The following SLC35D1 variants were observed in gnomAD, a reference collection of about 807,000 sequenced individuals.
SLC35D1 encodes the protein nucleotide sugar transporter SLC35D1.
A neutral mutation model predicts 46.7 loss-of-function variants in SLC35D1; 31 were observed. The ratio of observed to expected loss-of-function variants is 0.66; its 90% confidence interval spans 0.50 to 0.90. SLC35D1 has a LOEUF of 0.90. Among genes scored for constraint, SLC35D1 ranks in the 40% least tolerant of loss-of-function variants. SLC35D1 has a pLI of 0.00. For synonymous variants in SLC35D1, 195 were observed against 164.6 expected, an observed-to-expected ratio of 1.18 and a Z score of -1.41; for missense variants, 397 against 426.2, an observed-to-expected ratio of 0.93 and a Z score of 0.60.
downstream of SLC35D1, among the ~76,000 whole-genome samples, chr1:66,995,431 G>T (rs1193869322): frequency 3.4e-5 from 2 of 59,270 alleles, no homozygotes; most frequent in Admixed American, 5.8e-4. Flanking sequence ...GCCCTGCTAC[G>T]CTAAAAAAAA....
intron 8 of SLC35D1, 49 bp downstream of exon 8, chr1:67,042,187 A>G (rs1033077210): frequency 2.1e-6 from 3 of 1,449,738 alleles, no homozygotes; most frequent in Middle Eastern, 1.7e-4. Flanking sequence ...CATAAATAAT[A>G]ATGCAGTTCA....
intron 7 of SLC35D1, 117 bp downstream of exon 7, chr1:67,047,148 G>C: frequency 1.3e-6 from 1 of 752,406 alleles, no homozygotes; most frequent in Non-Finnish European, 2.3e-6. Flanking sequence ...TACCCTCAGA[G>C]AGCCACTATG....
At chr1:67,021,341 A>G (rs1667793328) in intron 9 of SLC35D1, among the ~76,000 whole-genome samples, 194 bp downstream of exon 9, 1 of 152,124 alleles carries the variant, frequency 6.6e-6, no homozygotes, top group Non-Finnish European at 1.5e-5. Context: ...TCTTTTCTTC[A>G]TCCTTCTAAG....
At chr1:67,016,798 T>C (rs1175791871) in intron 10 of SLC35D1, among the ~76,000 whole-genome samples, 1 of 152,172 alleles carries the variant, frequency 6.6e-6, no homozygotes, top group Non-Finnish European at 1.5e-5. Flanking sequence ...ACAGAGACAC[T>C]GGTTATTTTA....
In SLC35D1 at chr1:67,053,777, TC is replaced by T. The variant is rs763117968; in HGVS notation, c.203+33del. 1,857 of 1,515,660 alleles carry T rather than the reference TC, an allele frequency of 1.2e-3. 20 individuals are homozygous for T. The African/African-American group carries it at 0.023, about 19-fold the overall frequency. The allele number at this position is 1,515,660 out of a possible 1,614,324, so 93.9% of individuals were successfully genotyped here. A position where few individuals can be genotyped will look rare whatever the true frequency, so the allele number is the denominator to read the frequency against. On this transcript the variant is annotated intron_variant, in intron 1 of 11. Transcript: ENST00000235345. ...CGCCGCCGCCGCCGCCCGCTCCTCC[TC>T]CGCGGCCTGGGCCGCCGCCGCCTCG...
Position 67,001,622 on chromosome 1 carries a change from C to T in SLC35D1, c.*2718G>A, listed in dbSNP as rs530638545. 1 of 152,462 alleles carries T rather than the reference C, an allele frequency of 6.6e-6. No homozygotes were observed. The highest frequency in any genetic ancestry group is 2.4e-5 in the African/African-American group (1 of 41,578). 9.4% of individuals were successfully genotyped at this position (152,462 alleles called of 1,614,324 possible). A position where few individuals can be genotyped will look rare whatever the true frequency, so the allele number is the denominator to read the frequency against. ...TTCTCCCAGGAGGCAGTTAACAGGA[C>T]AAAGAATTTCTGCCTAGTAAATATC... On this transcript the variant is annotated 3_prime_UTR_variant, in exon 12 of 12. Coordinates refer to ENST00000235345, the MANE Select transcript of SLC35D1 (RefSeq NM_015139.3).
In SLC35D1 at chr1:67,051,513, G is replaced by C. The variant is rs76162599; in HGVS notation, c.392+499C>G. Among the ~76,000 whole-genome samples the C allele has an allele frequency of 6.8e-4, 103 of 152,294 alleles. 2 individuals are homozygous for C. The East Asian group carries it at 0.018, about 26-fold the overall frequency. On this transcript the variant is annotated intron_variant, in intron 4 of 11. Coordinates refer to ENST00000235345, the MANE Select transcript of SLC35D1 (RefSeq NM_015139.3). ...TGAAAATAAGTATGTTGCCTCTACA[G>C]TTACATGCCATGTGTAAGATATTAA...
chr1:67,006,783 G>A (rs1486760641), intron 11 of SLC35D1, among the ~76,000 whole-genome samples: 1 of 152,086 alleles, frequency 6.6e-6, no homozygotes, highest in Non-Finnish European at 1.5e-5. Flanking sequence ...GGGACCAGAA[G>A]GGTTTCCAAT....
At chr1:67,021,419 A>G in intron 9 of SLC35D1, 116 bp downstream of exon 9, 1 of 1,103,346 alleles carries the variant, frequency 9.1e-7, no homozygotes, top group Non-Finnish European at 1.4e-6. Context: ...TGGAGGCTTA[A>G]TTATCCTAGG....
rs1667320644 is a variant in SLC35D1, at chr1:67,000,660, A to G, written c.*3680T>C. ...GCTGAGGGCCTAATATGTACCAGGC[A>G]TTGTGCTAAGTAGTTTCATATCCAT... On this transcript the variant is annotated 3_prime_UTR_variant, in exon 12 of 12. Coordinates refer to ENST00000235345, the MANE Select transcript of SLC35D1 (RefSeq NM_015139.3). 2 of 152,244 alleles carry G rather than the reference A, an allele frequency of 1.3e-5. No individual in the cohort carries two copies. Among genetic ancestry groups the G allele is most frequent in the Admixed American group, 1.3e-4 (2 of 15,284 alleles). 9.4% of individuals were successfully genotyped at this position (152,244 alleles called of 1,614,324 possible).
intron 10 of SLC35D1, among the ~76,000 whole-genome samples, chr1:67,019,278 C>T (rs1290082504): frequency 3.3e-5 from 5 of 152,196 alleles, no homozygotes; most frequent in Non-Finnish European, 7.3e-5. Context: ...GCCCTTGAGG[C>T]ATTCACTTTA....
At chr1:66,973,040 C>A in the SLC35D1 span, 1 of 942,978 alleles carries the variant, frequency 1.1e-6, no homozygotes. Flanking sequence ...AGTTGAACAA[C>A]TCAAATGGTC....
rs367771039 is a variant in SLC35D1 at position 67,015,482 on chromosome 1, T to C, written c.876+4887A>G. ...TCAGCTCACTGCAACCTCTCCCTCC[T>C]GGGTTCAAGCAATTCTTCTGCCTCA... On this transcript the variant is annotated intron_variant, in intron 10 of 11. Transcript: ENST00000235345. Among the ~76,000 whole-genome samples the C allele has an allele frequency of 2.0e-5, 3 of 146,882 alleles. No individual in the cohort carries two copies. The East Asian group carries it at 6.2e-4, about 30-fold the overall frequency.
chr1:67,044,161 C>A (rs952692445), intron 7 of SLC35D1, among the ~76,000 whole-genome samples: 13 of 151,962 alleles, frequency 8.6e-5, no homozygotes, highest in Non-Finnish European at 1.5e-5. Flanking sequence ...CATAGAGTAA[C>A]CCCGTCTCTA....
chr1:66,986,579 T>C, the SLC35D1 span: 1 of 900,428 alleles, frequency 1.1e-6, no homozygotes, highest in South Asian at 1.5e-5. Flanking sequence ...AGTATTACTG[T>C]TAACATATGT....
In SLC35D1 at chr1:67,022,107, G is replaced by A. The variant is rs1038754373; in HGVS notation, c.730-505C>T. 5.9e-5 allele frequency among the ~76,000 whole-genome samples: 9 copies of A among 152,188 alleles called. No homozygotes were observed. In the South Asian group the frequency reaches 1.7e-3, roughly 28 times the overall value. ...TCAAGGAGAATTACTGTTTTAAAACGGTTCATTCTAAAAACAAGGTATTTT... is the reference window on the plus strand; with the variant it reads ...TCAAGGAGAATTACTGTTTTAAAACAGTTCATTCTAAAAACAAGGTATTTT... On this transcript the variant is annotated intron_variant, in intron 8 of 11. Coordinates refer to ENST00000235345, the MANE Select transcript of SLC35D1 (RefSeq NM_015139.3).
the SLC35D1 span, among the ~76,000 whole-genome samples, chr1:66,974,514 A>T: frequency 1.3e-5 from 2 of 152,020 alleles, no homozygotes; most frequent in African/African-American, 2.4e-5. Context: ...TTACCTAAGG[A>T]AGGGACCCCT....
chr1:67,044,263 G>C (rs114630549), intron 7 of SLC35D1, among the ~76,000 whole-genome samples: 1,838 of 151,456 alleles, frequency 0.012, 38 homozygotes, highest in African/African-American at 0.043. Context: ...TTGAACCCAG[G>C]AGACACAGGC....
intron 8 of SLC35D1, among the ~76,000 whole-genome samples, chr1:67,023,588 C>T (rs762017829): frequency 1.0e-4 from 15 of 150,486 alleles, no homozygotes; most frequent in Non-Finnish European, 2.2e-4. Flanking sequence ...TGGGTTCAAG[C>T]GATTCTCCTT....
Sources: allele counts gnomAD v4.1 joint callset (sites outside exome capture counted in the v4.1 genomes callset), GRCh38; gene constraint gnomAD v4.1.1; transcripts MANE v1.5; gene names NCBI Gene and HGNC (gene_info 2026-07-23, HGNC 2026-07-21).